The following SELP variants were observed in gnomAD, a reference collection of about 807,000 sequenced individuals.
SELP encodes selectin P.
Under a neutral mutation model 104.1 loss-of-function variants are expected in SELP, and 92 were observed. That is an observed-to-expected ratio of 0.88 (90% confidence interval 0.75 to 1.05). SELP has a LOEUF of 1.05. Ranked by LOEUF, SELP falls within the 50% of genes least tolerant of loss-of-function variation. The pLI is 0.00. For synonymous variants in SELP, 397 were observed against 364.5 expected, an observed-to-expected ratio of 1.09 and a Z score of -1.01; for missense variants, 1,022 against 1,017.3, an observed-to-expected ratio of 1.00 and a Z score of -0.06.
chr1:169,619,945 G>A (rs1054878928), intron 1 of SELP, among the ~76,000 whole-genome samples: 1 of 152,124 alleles, frequency 6.6e-6, no homozygotes, highest in African/African-American at 2.4e-5. Flanking sequence ...GCTCATGCCT[G>A]TAATCCCAGC....
chr1:169,615,007 A>G (rs928538116), intron 3 of SELP, among the ~76,000 whole-genome samples: 2 of 152,272 alleles, frequency 1.3e-5, no homozygotes, highest in African/African-American at 4.8e-5. Flanking sequence ...ACTCTAGGGG[A>G]AAAAAAGAGA....
chr1:169,608,990 A>G (rs1236240362), intron 8 of SELP, among the ~76,000 whole-genome samples: 1 of 152,186 alleles, frequency 6.6e-6, no homozygotes, highest in Admixed American at 6.5e-5. Context: ...TTATAAGGTA[A>G]CATGTCATCA....
intron 1 of SELP, among the ~76,000 whole-genome samples, chr1:169,628,130 A>C (rs1360739548): frequency 6.6e-6 from 1 of 152,218 alleles, no homozygotes; most frequent in Non-Finnish European, 1.5e-5. Flanking sequence ...TCTCGACTTC[A>C]AGTGATCTAT....
chr1:169,606,288 G>A (rs1165811031), intron 9 of SELP, among the ~76,000 whole-genome samples: 1 of 152,206 alleles, frequency 6.6e-6, no homozygotes, highest in Non-Finnish European at 1.5e-5. Context: ...TTACACTCCA[G>A]CCTGGGCGAC....
intron 10 of SELP, among the ~76,000 whole-genome samples, chr1:169,598,459 T>C (rs1034650007): frequency 1.3e-5 from 2 of 152,218 alleles, no homozygotes; most frequent in Non-Finnish European, 2.9e-5. Flanking sequence ...AAGCTATTCA[T>C]TGAAGGATTA....
At chr1:169,626,083 A>T (rs1161109513) in intron 1 of SELP, among the ~76,000 whole-genome samples, 1 of 152,248 alleles carries the variant, frequency 6.6e-6, no homozygotes, top group African/African-American at 2.4e-5. Flanking sequence ...AAGCAGGAAG[A>T]AGAGCATTAA....
At position 169,611,598 on chromosome 1, in the gene SELP, G is replaced by A. The variant is rs776016445; in HGVS notation, c.1041C>T (p.Gly347=). 3.7e-6 allele frequency: 6 copies of A among 1,614,136 alleles called. No individual in the cohort carries two copies. In the East Asian group the frequency reaches 1.1e-4, roughly 30 times the overall value. ...CVHPLTAFAY[G]SSCKFECQPG... The stretch of plus-strand genomic sequence containing the variant: ...GCTGGCACTCAAATTTACAGCTGGA[G>A]CCATAGGCAAAAGCAGTGAGCGGAT... The change falls in exon 7 of 17, where the codon GGC becomes GGT. Residue 347 remains glycine, a synonymous_variant. Coordinates refer to ENST00000263686, the MANE Select transcript of SELP (RefSeq NM_003005.4).
chr1:169,608,905 T>C (rs1041903283), intron 8 of SELP, among the ~76,000 whole-genome samples: 26 of 152,128 alleles, frequency 1.7e-4, no homozygotes, highest in African/African-American at 6.0e-4. Flanking sequence ...AGTGCCTTAG[T>C]ATAAGAGCAA....
intron 10 of SELP, among the ~76,000 whole-genome samples, chr1:169,599,595 A>T (rs1030653172): frequency 1.3e-5 from 2 of 152,186 alleles, no homozygotes; most frequent in African/African-American, 2.4e-5. Context: ...TCCTTTCATT[A>T]TATCATTTTA....
At chr1:169,608,066 A>G (rs766785863) in intron 8 of SELP, among the ~76,000 whole-genome samples, 2 of 152,012 alleles carry the variant, frequency 1.3e-5, no homozygotes, top group African/African-American at 4.8e-5. Context: ...CCCAGATAAC[A>G]TATACAATAC....
chr1:169,603,612 C>A (rs958977794), intron 9 of SELP, among the ~76,000 whole-genome samples: 41 of 152,058 alleles, frequency 2.7e-4, no homozygotes, highest in African/African-American at 8.9e-4. Context: ...TTCAGAAACA[C>A]CCCAATGACC....
intron 1 of SELP, among the ~76,000 whole-genome samples, chr1:169,629,757 G>C (rs3917655): frequency 0.29 from 44,275 of 152,074 alleles, 7,715 homozygotes; most frequent in Middle Eastern, 0.47. Context: ...AGGAACAGCA[G>C]CTGCGGAGCC....
chr1:169,601,015 G>A (rs1661883604), intron 10 of SELP, among the ~76,000 whole-genome samples: 1 of 152,170 alleles, frequency 6.6e-6, no homozygotes, highest in African/African-American at 2.4e-5. Flanking sequence ...GGGAAGCAAG[G>A]GCTTTAGAGA....
At chr1:169,591,330 G>T in intron 15 of SELP, 96 bp downstream of exon 15, 4 of 726,720 alleles carry the variant, frequency 5.5e-6, no homozygotes, top group Non-Finnish European at 9.3e-6. Context: ...TTGTAAAAAG[G>T]AGGCAGGCAT....
At chr1:169,599,474 G>A (rs1407144009) in intron 10 of SELP, among the ~76,000 whole-genome samples, 1 of 152,086 alleles carries the variant, frequency 6.6e-6, no homozygotes, top group Non-Finnish European at 1.5e-5. Flanking sequence ...TCACATATGG[G>A]TATTCATTGG....
At chr1:169,614,350 G>C (rs1367888164) in intron 3 of SELP, among the ~76,000 whole-genome samples, 1 of 152,196 alleles carries the variant, frequency 6.6e-6, no homozygotes, top group East Asian at 1.9e-4. Flanking sequence ...GAATACAGCA[G>C]GCGAAGAGAG....
At chr1:169,592,509 G>C (rs1423845624) in intron 14 of SELP, among the ~76,000 whole-genome samples, 3 of 152,164 alleles carry the variant, frequency 2.0e-5, no homozygotes, top group African/African-American at 4.8e-5. Context: ...TCTATGAGGA[G>C]TGATGAAGAA....
chr1:169,597,106 G>T lies in SELP; in HGVS notation c.1776C>A (p.Phe592Leu). The change falls in exon 11 of 17, where the codon TTC becomes TTA. Residue 592 changes from phenylalanine (F) to leucine (L), a missense_variant. By Grantham distance (22) the Phe-to-Leu change is conservative. Coordinates refer to ENST00000263686, the MANE Select transcript of SELP (RefSeq NM_003005.4). ...AGAAATGGCAGGTGGAGCCAACATT[G>T]AATTCTCCACGAGTGTCAGAACAAT... Reference protein sequence around the residue: ...SLDCSDTRGEFNVGSTCHFSC... With the variant: ...SLDCSDTRGELNVGSTCHFSC... 1.2e-6 allele frequency: 2 copies of T among 1,613,304 alleles called. No individual in the cohort carries two copies. The highest frequency in any genetic ancestry group is 1.7e-6 in the Non-Finnish European group (2 of 1,179,596).
chr1:169,617,524 A>G lies in SELP; in HGVS notation c.95-110T>C. On this transcript the variant is annotated intron_variant, in intron 2 of 16. Transcript: ENST00000263686. ...ATGAATTTCCGACCAGAACATTAAT[A>G]CACAAAACAACGACTAGTTTATGTC... 4 of 1,094,076 alleles carry G rather than the reference A, an allele frequency of 3.7e-6. No homozygotes were observed. In the South Asian group the frequency reaches 6.2e-5, roughly 17 times the overall value. 67.8% of individuals were successfully genotyped at this position (1,094,076 alleles called of 1,614,324 possible).
Sources: allele counts gnomAD v4.1 joint callset (sites outside exome capture counted in the v4.1 genomes callset), GRCh38; gene constraint gnomAD v4.1.1; transcripts MANE v1.5; gene names NCBI Gene and HGNC (gene_info 2026-07-23, HGNC 2026-07-21).